ESRRB: variants seen among roughly 807,000 people sequenced by gnomAD.
ESRRB encodes steroid hormone receptor ERR2.
ESRRB carries 16 observed loss-of-function variants against 46.0 expected under a neutral mutation model. The observed-to-expected ratio is 0.35, with a 90% confidence interval of 0.24 to 0.53. The LOEUF is 0.53. Ranked by LOEUF, ESRRB falls within the 20% of genes least tolerant of loss-of-function variation. The probability of loss-of-function intolerance (pLI) is 0.93; values close to 1 mark genes in which losing one functional copy is unlikely to be tolerated. For synonymous variants in ESRRB, 246 were observed against 259.6 expected, an observed-to-expected ratio of 0.95 and a Z score of 0.50; for missense variants, 488 against 607.4, an observed-to-expected ratio of 0.80 and a Z score of 2.07.
chr14:76,497,713 GT>G (rs1406033666), intron 6 of ESRRB, among the ~76,000 whole-genome samples: 2 of 152,190 alleles, frequency 1.3e-5, no homozygotes, highest in Non-Finnish European at 2.9e-5. Flanking sequence ...GGCAGCTGCA[GT>G]GGTTGTCATG....
chr14:76,316,533 A>G (rs2139722163), intron 1 of ESRRB, among the ~76,000 whole-genome samples: 1 of 152,334 alleles, frequency 6.6e-6, no homozygotes, highest in East Asian at 1.9e-4. Flanking sequence ...CCTGGCACAT[A>G]GTATGTGTTC....
chr14:76,478,078 A>G (rs1403162175), intron 3 of ESRRB, among the ~76,000 whole-genome samples: 1 of 152,210 alleles, frequency 6.6e-6, no homozygotes, highest in Non-Finnish European at 1.5e-5. Context: ...CTTGGATGCA[A>G]TGCTGGGGAA....
chr14:76,458,540 C>T (rs938998874), intron 2 of ESRRB, among the ~76,000 whole-genome samples: 2 of 152,108 alleles, frequency 1.3e-5, no homozygotes, highest in South Asian at 4.1e-4. Flanking sequence ...GCTGTTAGCA[C>T]TTGGTCCTCT....
chr14:76,473,686 G>A (rs1359720998), intron 3 of ESRRB, among the ~76,000 whole-genome samples: 1 of 152,266 alleles, frequency 6.6e-6, no homozygotes, highest in Admixed American at 6.5e-5. Context: ...GGGAAGATGA[G>A]AAGAAAGGAG....
upstream of ESRRB, among the ~76,000 whole-genome samples, chr14:76,370,984 T>G (rs998392939): frequency 1.3e-5 from 2 of 152,180 alleles, no homozygotes; most frequent in Non-Finnish European, 2.9e-5. Flanking sequence ...CCAAGACCCC[T>G]GGTAGGGATT....
chr14:76,432,564 G>A (rs994918045), intron 1 of ESRRB, among the ~76,000 whole-genome samples: 3 of 152,134 alleles, frequency 2.0e-5, no homozygotes, highest in African/African-American at 7.2e-5. Context: ...GTGGGTTTGG[G>A]GGGTAAAGAG....
In ESRRB at chr14:76,499,698, G is replaced by A. The variant is rs1168052169; in HGVS notation, c.*1240G>A. ...CAGGACCCCTGCAGTCCCCCTGGCT[G>A]TGCCAGGTAACCAACCGTCTTGGTT... On this transcript the variant is annotated 3_prime_UTR_variant, in exon 7 of 7. Transcript: ENST00000644823. 4 of 706,162 alleles carry A rather than the reference G, an allele frequency of 5.7e-6. No homozygotes were observed. Among genetic ancestry groups the A allele is most frequent in the African/African-American group, 1.7e-5 (1 of 57,370 alleles). 43.7% of individuals were successfully genotyped at this position (706,162 alleles called of 1,614,324 possible).
intron 1 of ESRRB, among the ~76,000 whole-genome samples, chr14:76,414,613 C>A (rs1886611621): frequency 1.5e-5 from 2 of 130,204 alleles, no homozygotes; most frequent in Admixed American, 8.4e-5. Context: ...CAGAAATAAT[C>A]AAATTTTACT....
At chr14:76,371,665 TG>T (rs775954830), upstream of ESRRB, 1 of 152,230 alleles carries the variant, frequency 6.6e-6, no homozygotes, top group Non-Finnish European at 1.5e-5. Flanking sequence ...AAAATGGGGA[TG>T]GGTGAGGGAC....
At chr14:76,441,754 T>C (rs1205379070) in intron 2 of ESRRB, among the ~76,000 whole-genome samples, 2 of 152,222 alleles carry the variant, frequency 1.3e-5, no homozygotes, top group African/African-American at 2.4e-5. Flanking sequence ...TCTCTACTCA[T>C]GCAGGTCACT....
At chr14:76,437,094 C>T (rs561148436) in intron 1 of ESRRB, among the ~76,000 whole-genome samples, 2 of 152,214 alleles carry the variant, frequency 1.3e-5, no homozygotes, top group Admixed American at 6.5e-5. Context: ...TGCAGTAGCC[C>T]GATCTCGGCT....
Position 76,482,220 on chromosome 14 carries a change from T to A in ESRRB, c.688+94T>A. The A allele has an allele frequency of 3.2e-6, 3 of 940,012 alleles. No homozygotes were observed. Among genetic ancestry groups the A allele is most frequent in the Non-Finnish European group, 5.1e-6 (3 of 586,036 alleles). 58.2% of individuals were successfully genotyped at this position (940,012 alleles called of 1,614,324 possible). A position where few individuals can be genotyped will look rare whatever the true frequency, so the allele number is the denominator to read the frequency against. On this transcript the variant is annotated intron_variant, in intron 4 of 6. Transcript: ENST00000644823. The surrounding 1 kb of genome is among the most constrained non-coding windows in gnomAD (Gnocchi z 4.3). ...GAAACATCATCTTCCCACCACTGGG[T>A]CATGAGACAATGTGGATCTTGGGGA...
upstream of ESRRB, among the ~76,000 whole-genome samples, chr14:76,374,088 C>G (rs1039551102): frequency 6.6e-6 from 1 of 152,176 alleles, no homozygotes; most frequent in Non-Finnish European, 1.5e-5. Context: ...GGGCAGCGGC[C>G]TGTCACTCAG....
chr14:76,345,304 C>G (rs982183833), intron 1 of ESRRB, among the ~76,000 whole-genome samples: 1 of 152,124 alleles, frequency 6.6e-6, no homozygotes, highest in Non-Finnish European at 1.5e-5. Flanking sequence ...TGACAAAGGA[C>G]TAATATCCAG....
chr14:76,483,559 G>A (rs1232888648), intron 5 of ESRRB, among the ~76,000 whole-genome samples: 1 of 152,182 alleles, frequency 6.6e-6, no homozygotes, highest in Admixed American at 6.5e-5. Context: ...CTGGGCAGAT[G>A]GCGGGAGCTT....
chr14:76,339,193 C>T (rs1884161883), intron 1 of ESRRB, among the ~76,000 whole-genome samples: 1 of 152,146 alleles, frequency 6.6e-6, no homozygotes, highest in African/African-American at 2.4e-5. Context: ...GGTGCAGCTG[C>T]TCTGAGCCTC....
intron 2 of ESRRB, among the ~76,000 whole-genome samples, chr14:76,457,334 C>T (rs1433933268): frequency 2.6e-5 from 4 of 152,182 alleles, no homozygotes; most frequent in African/African-American, 7.2e-5. Flanking sequence ...CTAGAAAAGA[C>T]TTATCCTGGA....
intron 3 of ESRRB, among the ~76,000 whole-genome samples, chr14:76,463,727 G>C (rs1888988534): frequency 6.6e-6 from 1 of 151,936 alleles, no homozygotes; most frequent in African/African-American, 2.4e-5. Context: ...GATTACAGGT[G>C]TAAGCCACCG....
intron 1 of ESRRB, among the ~76,000 whole-genome samples, chr14:76,431,017 C>T (rs1483779030): frequency 6.6e-6 from 1 of 152,216 alleles, no homozygotes; most frequent in East Asian, 1.9e-4. Flanking sequence ...CAGTGAGAGG[C>T]CGGGCCTGAT....
Sources: allele counts gnomAD v4.1 joint callset (sites outside exome capture counted in the v4.1 genomes callset), GRCh38; gene constraint gnomAD v4.1.1; non-coding constraint Gnocchi (gnomAD v3.1); transcripts MANE v1.5; gene names NCBI Gene and HGNC (gene_info 2026-07-23, HGNC 2026-07-21).